MICAL2: variants seen among roughly 807,000 people sequenced by gnomAD.
MICAL2 encodes the protein [F-actin]-monooxygenase MICAL2.
A neutral mutation model predicts 127.3 loss-of-function variants in MICAL2; 77 were observed. The observed-to-expected ratio is 0.60, with a 90% CI of 0.50 to 0.73. MICAL2 has a LOEUF of 0.73. MICAL2 is among the 30% of genes least tolerant of loss of function. The pLI, the probability that MICAL2 is intolerant of heterozygous loss-of-function variation, is 0.00. For missense variants in MICAL2, 1,351 were observed against 1,434.4 expected (o/e 0.94, Z 0.94); for synonymous variants, 570 against 551.1 (o/e 1.03, Z -0.48).
chr11:12,273,410 C>G (rs12797770), upstream of MICAL2, among the ~76,000 whole-genome samples: 7,756 of 152,262 alleles, frequency 0.051, 264 homozygotes, highest in Middle Eastern at 0.092. Context: ...AGTGAAGCAT[C>G]TGACTACATT....
intron 21 of MICAL2, 69 bp downstream of exon 21, chr11:12,244,181 A>G: frequency 1.3e-6 from 2 of 1,576,806 alleles, no homozygotes; most frequent in Non-Finnish European, 1.7e-6. Context: ...GCTCCACTTG[A>G]CCTGCACAAA....
intron 3 of MICAL2, among the ~76,000 whole-genome samples, chr11:12,184,266 A>G (rs191038792): frequency 7.5e-4 from 115 of 152,368 alleles, no homozygotes; most frequent in African/African-American, 2.7e-3. Flanking sequence ...ACTGTTTGTC[A>G]GGACTGTTTG....
At chr11:12,359,244 T>C (rs1234185596), downstream of MICAL2, 1 of 152,164 alleles carries the variant, frequency 6.6e-6, no homozygotes. Context: ...GTCCCCGTGC[T>C]ATGCTTTTTA....
chr11:12,357,038 T>C (rs1352844232), intron 34 of MICAL2, among the ~76,000 whole-genome samples: 1 of 152,208 alleles, frequency 6.6e-6, no homozygotes, highest in Non-Finnish European at 1.5e-5. Flanking sequence ...GCTCTAACCC[T>C]CTGCCCCTCC....
intron 7 of MICAL2, among the ~76,000 whole-genome samples, chr11:12,215,603 A>T (rs1025970439): frequency 6.6e-6 from 1 of 152,202 alleles, no homozygotes; most frequent in Non-Finnish European, 1.5e-5. Flanking sequence ...TCCCTTTGAG[A>T]ACCGTGGAGC....
At chr11:12,249,163 T>G (rs574392521) in intron 21 of MICAL2, 21 bp from the exon 22 acceptor site, 5 of 1,613,036 alleles carry the variant, frequency 3.1e-6, no homozygotes, top group Non-Finnish European at 4.2e-6. Flanking sequence ...AAAATGCATG[T>G]TGATCCCTCT....
chr11:12,250,907 G>C (rs1269625220), intron 22 of MICAL2, among the ~76,000 whole-genome samples: 1 of 152,116 alleles, frequency 6.6e-6, no homozygotes, highest in Admixed American at 6.5e-5. Flanking sequence ...GGAACCACTG[G>C]ACTGGCTCTA....
chr11:12,245,843 T>C (rs1198991524), intron 21 of MICAL2, among the ~76,000 whole-genome samples: 1 of 152,190 alleles, frequency 6.6e-6, no homozygotes, highest in Non-Finnish European at 1.5e-5. Context: ...CAGGGTATAC[T>C]CCCTACTACG....
chr11:12,266,138 G>A (rs1355515488), downstream of MICAL2, among the ~76,000 whole-genome samples: 2 of 151,996 alleles, frequency 1.3e-5, no homozygotes, highest in Admixed American at 6.6e-5. Flanking sequence ...AAATTATAGT[G>A]CATCTACTGA....
intron 2 of MICAL2, among the ~76,000 whole-genome samples, chr11:12,154,615 T>A (rs1342656971): frequency 1.3e-5 from 2 of 152,240 alleles, no homozygotes; most frequent in East Asian, 1.9e-4. Context: ...GAGTTGAAAT[T>A]GTATTGACTT....
At chr11:12,236,088 CA>C in intron 15 of MICAL2, 88 bp from the exon 16 acceptor site, 2 of 1,175,388 alleles carry the variant, frequency 1.7e-6, no homozygotes, top group Admixed American at 1.7e-5. Context: ...AGCGCCAGCT[CA>C]AAGCCAGCCC....
chr11:12,270,988 G>A (rs1181035575), intron 24 of MICAL2, among the ~76,000 whole-genome samples: 4 of 152,186 alleles, frequency 2.6e-5, no homozygotes, highest in Admixed American at 2.0e-4. Context: ...GCCAGGAAAG[G>A]GCCTCTGGAC....
intron 4 of MICAL2, among the ~76,000 whole-genome samples, chr11:12,205,534 T>C (rs1854571868): frequency 6.6e-6 from 1 of 152,152 alleles, no homozygotes; most frequent in Non-Finnish European, 1.5e-5. Flanking sequence ...TCAGGGATGA[T>C]TGTATAGCAA....
rs184081877 is a variant in MICAL2 at position 12,211,358 on chromosome 11, G to T, written c.691+1760G>T. Reference sequence around the variant, plus strand: ...ATCGCACCACTGCACTCCAGGCTGGGTGACAGAGCAAGACTCCATCTCAGA... The same window carrying T: ...ATCGCACCACTGCACTCCAGGCTGGTTGACAGAGCAAGACTCCATCTCAGA... On this transcript the variant is annotated intron_variant, in intron 6 of 27. Transcript: ENST00000683283. Among the ~76,000 whole-genome samples the T allele has an allele frequency of 5.0e-3, 764 of 152,252 alleles. 8 individuals carry two copies. The highest frequency in any genetic ancestry group is 0.018 in the African/African-American group (729 of 41,544).
At chr11:12,129,613 C>A in intron 1 of MICAL2, among the ~76,000 whole-genome samples, 1 of 143,428 alleles carries the variant, frequency 7.0e-6, no homozygotes, top group East Asian at 2.0e-4. Context: ...TTATACAATT[C>A]TACTCTGTTT....
rs548020153 is a variant in MICAL2 at position 12,230,821 on chromosome 11, G to A, written c.1995+3690G>A. On this transcript the variant is annotated intron_variant, in intron 15 of 27. Coordinates refer to ENST00000683283, the MANE Select transcript of MICAL2 (RefSeq NM_001282663.2). The stretch of plus-strand genomic sequence containing the variant: ...ATCAAGGATCTCATTTACTTTTAAA[G>A]AGAGTAACTTTTCCATTCCCACCAT... 6.6e-5 allele frequency among the ~76,000 whole-genome samples: 10 copies of A among 152,186 alleles called. No individual in the cohort carries two copies. The South Asian group carries it at 2.1e-3, about 32-fold the overall frequency.
chr11:12,294,870 G>A (rs1863965661), downstream of MICAL2: 2 of 1,461,116 alleles, frequency 1.4e-6, no homozygotes, highest in Non-Finnish European at 1.8e-6. Context: ...AAGTGGCTCT[G>A]TCCTGATAAA....
chr11:12,329,869 A>G (rs1450602450), intron 32 of MICAL2, among the ~76,000 whole-genome samples: 3 of 44,866 alleles, frequency 6.7e-5, no homozygotes, highest in Non-Finnish European at 2.6e-4. Context: ...TATGAAAAAA[A>G]AAAAAAAAAA....
chr11:12,266,805 G>T (rs1164791671), downstream of MICAL2, among the ~76,000 whole-genome samples: 1 of 152,222 alleles, frequency 6.6e-6, no homozygotes, highest in Non-Finnish European at 1.5e-5. Flanking sequence ...TGACTCAGTG[G>T]CATTAGACAG....
Sources: gnomAD v4.1 joint callset for allele counts (sites outside exome capture counted in the v4.1 genomes callset) on GRCh38, gnomAD v4.1.1 for gene constraint, MANE v1.5 for transcripts, NCBI Gene and HGNC (gene_info 2026-07-23, HGNC 2026-07-21) for gene names.